MYH2: variants seen among roughly 807,000 people sequenced by gnomAD.
MYH2 encodes myosin heavy chain 2, also known as myosin-2.
MYH2 carries 139 observed loss-of-function variants against 228.1 expected under a neutral mutation model. The observed-to-expected ratio is 0.61, with a 90% confidence interval of 0.53 to 0.70. The LOEUF is 0.70. MYH2 is among the 30% of genes least tolerant of loss of function. The pLI, the probability that MYH2 is intolerant of heterozygous loss-of-function variation, is 0.00. For missense variants in MYH2, 1,809 were observed against 2,357.5 expected (o/e 0.77, Z 4.82); for synonymous variants, 796 against 871.1 (o/e 0.91, Z 1.52).
At chr17:10,523,922 TACCAAAGTATTTATTGGTA>T in intron 35 of MYH2, 38 bp from the exon 36 acceptor site, 1 of 1,600,598 alleles carries the variant, frequency 6.2e-7, no homozygotes, top group Non-Finnish European at 8.5e-7. Flanking sequence ...AAAATTGTGT[TACCAAAGTATTTATTGGTA>T]ACCACTTCTT....
At position 10,529,912 on chromosome 17, in the gene MYH2, A is replaced by C; in HGVS notation, c.2860T>G (p.Ser954Ala). The C allele has an allele frequency of 6.2e-7, 1 of 1,612,806 alleles. No individual in the cohort carries two copies. Among genetic ancestry groups the C allele is most frequent in the East Asian group, 2.2e-5 (1 of 44,850 alleles). Reference protein sequence around the residue: ...AKKRKLEDECSELKKDIDDLE... With the variant: ...AKKRKLEDECAELKKDIDDLE... The stretch of plus-strand genomic sequence containing the variant: ...TCATCAATGTCTTTCTTGAGTTCTG[A>C]ACATTCATCCTCCAGTTTCCTCTTC... The change falls in exon 23 of 40, where the codon TCA becomes GCA. Residue 954 changes from serine to alanine, a missense_variant. Transcript: ENST00000245503.
Position 10,525,164 on chromosome 17 carries a change from C to G in MYH2, c.4662+60G>C, listed in dbSNP as rs1390853139. On this transcript the variant is annotated intron_variant, in intron 33 of 39. Transcript: ENST00000245503. This position sits in a 1 kb window ranked among gnomAD's most constrained non-coding sequence, Gnocchi z 4.2. ...TGTGCTATGTGTCTTTTTATTCACT[C>G]TATGCAGATGTACCTAATTATTTTC... 6.2e-7 allele frequency: 1 copy of G among 1,613,676 alleles called. No homozygotes were observed. Among genetic ancestry groups the G allele is most frequent in the Non-Finnish European group, 8.5e-7 (1 of 1,179,872 alleles).
chr17:10,540,461 T>G, intron 11 of MYH2, 133 bp downstream of exon 11: 1 of 792,936 alleles, frequency 1.3e-6, no homozygotes, highest in Non-Finnish European at 2.1e-6. Flanking sequence ...CTCTTTTCAT[T>G]TGACTCCAAG....
intron 22 of MYH2, among the ~76,000 whole-genome samples, 188 bp downstream of exon 22, chr17:10,531,445 G>A (rs1217985346): frequency 6.6e-6 from 1 of 152,176 alleles, no homozygotes; most frequent in Non-Finnish European, 1.5e-5. Context: ...TCACTGCCCT[G>A]GTGCTGGTTT....
chr17:10,545,597 C>T, intron 4 of MYH2, 95 bp from the exon 5 acceptor site: 2 of 1,518,474 alleles, frequency 1.3e-6, no homozygotes, highest in Admixed American at 1.8e-5. Flanking sequence ...CAGGGTCTTG[C>T]TCTGTCACCC....
Position 10,529,719 on chromosome 17 carries a change from T to C in MYH2, c.2962A>G (p.Met988Val). ...ENKVKNLTEEMAGLDETIAKL... is the reference protein window; with the variant it reads ...ENKVKNLTEEVAGLDETIAKL... The stretch of plus-strand genomic sequence containing the variant: ...GCAATGGTTTCATCCAGACCTGCCA[T>C]CTCTTCTGTGAGGTTTTTCACCTAC... Residue 988 changes from methionine to valine, a missense_variant, in exon 24 of 40, where the codon ATG (methionine) becomes GTG (valine). Around this residue, in one of 9 missense-constraint regions of MYH2, gnomAD observed 636 missense variants for 729.9 expected, o/e 0.87. Transcript: ENST00000245503. 6.2e-7 allele frequency: 1 copy of C among 1,614,028 alleles called. No homozygotes were observed.
chr17:10,527,971 C>T (rs2073374565), intron 27 of MYH2, 97 bp from the exon 28 acceptor site: 5 of 1,374,004 alleles, frequency 3.6e-6, no homozygotes, highest in East Asian at 2.5e-5. Context: ...ATAAAAAATA[C>T]AATATTTATC....
intron 11 of MYH2, 129 bp from the exon 12 acceptor site, chr17:10,540,195 G>A (rs1281314651): frequency 1.6e-6 from 2 of 1,285,252 alleles, no homozygotes; most frequent in African/African-American, 2.9e-5. Flanking sequence ...CCTTAGATTG[G>A]GTATATAGAG....
intron 8 of MYH2, 115 bp from the exon 9 acceptor site, chr17:10,543,276 A>T (rs553310527): frequency 1.2e-6 from 1 of 806,664 alleles, no homozygotes; most frequent in East Asian, 2.7e-5. Context: ...GAGTATTTGC[A>T]TCAGGTAGAA....
intron 14 of MYH2, 136 bp downstream of exon 14, chr17:10,539,069 G>A (rs1222383470): frequency 6.7e-7 from 1 of 1,493,412 alleles, no homozygotes; most frequent in African/African-American, 1.4e-5. Context: ...TACAATAACT[G>A]ACCAGTTACT....
rs141134519 is a variant in MYH2 at position 10,539,549 on chromosome 17, C to T, written c.1161G>A (p.Ala387=). The change falls in exon 13 of 40, where the codon GCG becomes GCA. Residue 387 remains alanine (A), a synonymous_variant. Coordinates refer to ENST00000245503, the MANE Select transcript of MYH2 (RefSeq NM_017534.6). ...EPDGTEVADK[A]AYLQSLNSAD... The stretch of plus-strand genomic sequence containing the variant: ...CAGAGTTCAGACTCTGGAGGTAGGC[C>T]GCCTTGTCAGCAACTAAAAAGAAGA... 344 of 1,613,820 alleles carry T rather than the reference C, an allele frequency of 2.1e-4. 1 individual carries two copies. In the South Asian group the frequency reaches 2.4e-3, roughly 11 times the overall value.
chr17:10,549,346 C>T (rs1384566140), intron 2 of MYH2, 29 bp downstream of exon 2: 2 of 152,754 alleles, frequency 1.3e-5, no homozygotes, highest in East Asian at 1.9e-4. Context: ...TTGCATTCTC[C>T]TCCAGGAACT....
Position 10,525,663 on chromosome 17 carries a change from G to T in MYH2, c.4371+30C>A, listed in dbSNP as rs768315980. Reference sequence around the variant, plus strand: ...CCTGCTGCAAAGACAAAAGAGTAGAGTAAAGAGCAGAAGATGCTGGAGGAA... The same window carrying T: ...CCTGCTGCAAAGACAAAAGAGTAGATTAAAGAGCAGAAGATGCTGGAGGAA... On this transcript the variant is annotated intron_variant, in intron 31 of 39. Transcript: ENST00000245503. The surrounding 1 kb of genome is among the most constrained non-coding windows in gnomAD (Gnocchi z 4.2). 2.2e-5 allele frequency: 36 copies of T among 1,614,076 alleles called. No homozygotes were observed. Among genetic ancestry groups the T allele is most frequent in the Non-Finnish European group, 2.7e-5 (32 of 1,180,046 alleles).
chr17:10,544,025 T>C lies in MYH2; in HGVS notation c.534-9A>G, dbSNP rs1357213758. 6.2e-7 allele frequency: 1 copy of C among 1,614,044 alleles called. No homozygotes were observed. The highest frequency in any genetic ancestry group is 1.7e-5 in the Admixed American group (1 of 59,990). On this transcript the variant is annotated splice_polypyrimidine_tract_variant and intron_variant, in intron 6 of 39. Coordinates refer to ENST00000245503, the MANE Select transcript of MYH2 (RefSeq NM_017534.6). ...CTGCACCAGATTCTCCACTGTCAAA[T>C]CAAAACTCAATCAGATGTGGTCTCA...
intron 39 of MYH2, 26 bp downstream of exon 39, chr17:10,523,064 A>G (rs764169205): frequency 1.4e-5 from 21 of 1,500,932 alleles, no homozygotes; most frequent in Non-Finnish European, 1.9e-5. Flanking sequence ...GCTTAATTTG[A>G]GGACTTCAAT....
In MYH2 at chr17:10,533,609, G is replaced by A; in HGVS notation, c.2204C>T (p.Ala735Val). The A allele has an allele frequency of 6.2e-7, 1 of 1,614,124 alleles. No individual in the cohort carries two copies. Among genetic ancestry groups the A allele is most frequent in the Non-Finnish European group, 8.5e-7 (1 of 1,179,964 alleles). Residue 735 changes from alanine to valine, a missense_variant, in exon 20 of 40, where the codon GCA (alanine) becomes GTA (valine). Transcript: ENST00000245503. Reference protein sequence around the residue: ...KQRYKVLNASAIPEGQFIDSK... With the variant: ...KQRYKVLNASVIPEGQFIDSK... Reference sequence around the variant, plus strand: ...ATCAATGAATTGCCCTTCAGGGATTGCACTTGCATTTAATACCTTGTATCT... The same window carrying A: ...ATCAATGAATTGCCCTTCAGGGATTACACTTGCATTTAATACCTTGTATCT...
At position 10,521,277 on chromosome 17, in the gene MYH2, T is replaced by C. The variant is rs543135083; in HGVS notation, c.*3A>G. The C allele has an allele frequency of 3.7e-6, 6 of 1,613,554 alleles. No homozygotes were observed. The South Asian group carries it at 5.5e-5, about 15-fold the overall frequency. ...TCAGTCATTCCATGGCATCAGGACA[T>C]GATCACTCTTCACTTATGACTTTTG... On this transcript the variant is annotated 3_prime_UTR_variant, in exon 40 of 40. Transcript: ENST00000245503.
At chr17:10,546,663 T>G (rs981338820) in intron 4 of MYH2, among the ~76,000 whole-genome samples, 14 of 151,782 alleles carry the variant, frequency 9.2e-5, no homozygotes, top group African/African-American at 3.1e-4. Flanking sequence ...ATCTCACTGC[T>G]TGGGGAAGTG....
At chr17:10,529,790 G>A in intron 23 of MYH2, 42 bp downstream of exon 23, 9 of 1,614,034 alleles carry the variant, frequency 5.6e-6, no homozygotes, top group Non-Finnish European at 6.8e-6. Context: ...CCTTTGTTGG[G>A]TGGCAGAACC....
Sources: allele counts gnomAD v4.1 joint callset (sites outside exome capture counted in the v4.1 genomes callset), GRCh38; gene constraint gnomAD v4.1.1; regional missense constraint gnomAD v4.1.1; non-coding constraint Gnocchi (gnomAD v3.1); transcripts MANE v1.5; gene names NCBI Gene and HGNC (gene_info 2026-07-23, HGNC 2026-07-21).